The following PCDH9 variants were observed in gnomAD, a reference collection of about 807,000 sequenced individuals.
PCDH9 encodes the protein protocadherin-9.
PCDH9 carries 24 observed loss-of-function variants against 70.6 expected under a neutral mutation model. That is an observed-to-expected ratio of 0.34 (90% CI 0.25 to 0.48). The LOEUF is 0.48. Ranked by LOEUF, PCDH9 falls within the 20% of genes least tolerant of loss-of-function variation. PCDH9 has a pLI of 0.99. For synonymous variants in PCDH9, 562 were observed against 558.5 expected, an observed-to-expected ratio of 1.01 and a Z score of -0.09; for missense variants, 1,281 against 1,503.6, an observed-to-expected ratio of 0.85 and a Z score of 2.45.
At chr13:67,165,702 G>A (rs2088094454) in intron 2 of PCDH9, among the ~76,000 whole-genome samples, 1 of 152,004 alleles carries the variant, frequency 6.6e-6, no homozygotes, top group African/African-American at 2.4e-5. Flanking sequence ...TGGAACCTAA[G>A]TCAATTTTAA....
chr13:66,588,218 C>A (rs117916380), intron 4 of PCDH9, among the ~76,000 whole-genome samples: 3,311 of 151,438 alleles, frequency 0.022, 58 homozygotes, highest in Non-Finnish European at 0.034. Context: ...GGAGATACCC[C>A]CTGATGGTGC....
chr13:67,110,872 CCT>C (rs2086646323), intron 2 of PCDH9, among the ~76,000 whole-genome samples: 1 of 152,102 alleles, frequency 6.6e-6, no homozygotes, highest in African/African-American at 2.4e-5. Context: ...ATCCTGTTAC[CCT>C]GTTTCGTGTT....
intron 2 of PCDH9, among the ~76,000 whole-genome samples, chr13:67,115,267 C>T (rs536017275): frequency 1.3e-5 from 2 of 152,238 alleles, no homozygotes; most frequent in South Asian, 4.2e-4. Flanking sequence ...TTTGGTGAAG[C>T]CTGGGTGGGG....
intron 4 of PCDH9, among the ~76,000 whole-genome samples, chr13:66,563,150 T>C (rs1048262879): frequency 3.3e-5 from 5 of 152,178 alleles, no homozygotes; most frequent in Non-Finnish European, 7.3e-5. Context: ...CTATCTTTTC[T>C]TATCCAAAAT....
At position 66,326,691 on chromosome 13, in the gene PCDH9, C is replaced by T. The variant is rs1237487089; in HGVS notation, c.3341-21663G>A. ...GCCTCAGCCCTCACACCTGGGATTACAGGTGTGAGCCACCGCTCCTAGTCG... is the reference window on the plus strand; with the variant it reads ...GCCTCAGCCCTCACACCTGGGATTATAGGTGTGAGCCACCGCTCCTAGTCG... On this transcript the variant is annotated intron_variant, in intron 4 of 4. Transcript: ENST00000377865. Among the ~76,000 whole-genome samples the T allele has an allele frequency of 2.0e-5, 3 of 152,120 alleles. No homozygotes were observed. The East Asian group carries it at 5.8e-4, about 29-fold the overall frequency.
chr13:66,883,365 A>G (rs961151775), intron 3 of PCDH9, among the ~76,000 whole-genome samples: 2 of 151,420 alleles, frequency 1.3e-5, no homozygotes, highest in Non-Finnish European at 2.9e-5. Flanking sequence ...ATCAGCACTA[A>G]TGTGTGTGTG....
chr13:67,042,926 TA>T (rs551848557), intron 2 of PCDH9, among the ~76,000 whole-genome samples: 40 of 148,842 alleles, frequency 2.7e-4, no homozygotes, highest in African/African-American at 6.6e-4. Flanking sequence ...CTTGGAGGAT[TA>T]AAAAAAAAAG....
chr13:66,429,459 A>G (rs1425346206), intron 4 of PCDH9, among the ~76,000 whole-genome samples: 1 of 147,240 alleles, frequency 6.8e-6, no homozygotes, highest in African/African-American at 2.5e-5. Context: ...TTGCACCCAC[A>G]GTGGGTAAAA....
At chr13:66,305,437 A>G (rs1477770483) in intron 4 of PCDH9, among the ~76,000 whole-genome samples, 1 of 152,032 alleles carries the variant, frequency 6.6e-6, no homozygotes, top group Non-Finnish European at 1.5e-5. Flanking sequence ...AACAATTTGT[A>G]TGTGTAATAT....
chr13:66,796,679 G>A (rs543284691), intron 3 of PCDH9, among the ~76,000 whole-genome samples: 1 of 152,058 alleles, frequency 6.6e-6, no homozygotes, highest in Non-Finnish European at 1.5e-5. Context: ...ACAAGTATCT[G>A]TTGAGCTTCT....
At chr13:66,568,523 A>AAG (rs2076684968) in intron 4 of PCDH9, among the ~76,000 whole-genome samples, 1 of 151,384 alleles carries the variant, frequency 6.6e-6, no homozygotes, top group Admixed American at 6.6e-5. Flanking sequence ...AAAAAAAAAA[A>AAG]AAAGAAAGAA....
At chr13:66,307,677 A>G (rs1354392300) in intron 4 of PCDH9, among the ~76,000 whole-genome samples, 1 of 152,024 alleles carries the variant, frequency 6.6e-6, no homozygotes, top group Admixed American at 6.6e-5. Context: ...GAGAAAAAAA[A>G]TTACTGGCTA....
intron 3 of PCDH9, among the ~76,000 whole-genome samples, chr13:66,667,959 C>A (rs1002882516): frequency 4.0e-5 from 6 of 151,874 alleles, no homozygotes; most frequent in Admixed American, 3.3e-4. Context: ...GATTTATGAC[C>A]AATAGTAAAT....
intron 2 of PCDH9, among the ~76,000 whole-genome samples, chr13:67,112,704 T>G (rs2086681460): frequency 6.8e-6 from 1 of 145,996 alleles, no homozygotes; most frequent in South Asian, 2.4e-4. Context: ...CTTTCCTCCC[T>G]TTCCGCCTTC....
chr13:66,463,986 T>A (rs1412504232), intron 4 of PCDH9, among the ~76,000 whole-genome samples: 1 of 151,640 alleles, frequency 6.6e-6, no homozygotes, highest in Non-Finnish European at 1.5e-5. Flanking sequence ...TAACTGACAT[T>A]AAAAATTTAA....
chr13:66,584,297 T>G (rs1187108392), intron 4 of PCDH9, among the ~76,000 whole-genome samples: 1 of 152,148 alleles, frequency 6.6e-6, no homozygotes, highest in African/African-American at 2.4e-5. Flanking sequence ...GTGCAATATC[T>G]CAAAGCAATC....
chr13:67,225,472 T>C lies in PCDH9; in HGVS notation c.2969A>G (p.His990Arg). The change falls in exon 2 of 5, where the codon CAC (histidine) becomes CGC (arginine). Residue 990 changes from histidine to arginine, a missense_variant. His to Arg is a conservative substitution (Grantham distance 29, BLOSUM62 0). This residue lies in a region of PCDH9 where 12 missense variants were observed against 29.9 expected (regional missense o/e 0.40). Coordinates refer to ENST00000377865, the MANE Select transcript of PCDH9 (RefSeq NM_203487.3). ...GGAACTGCACTCTGAGGCACTGAAG[T>C]GATCTGAACTAGTGGAAGAGCGTTT... ...LSKRSSTSSD[H>R]FSASECSSQG... The C allele has an allele frequency of 6.2e-7, 1 of 1,614,042 alleles. No homozygotes were observed. Among genetic ancestry groups the C allele is most frequent in the Non-Finnish European group, 8.5e-7 (1 of 1,179,908 alleles).
chr13:66,326,661 C>T (rs1055994443), intron 4 of PCDH9, among the ~76,000 whole-genome samples: 5 of 152,072 alleles, frequency 3.3e-5, no homozygotes, highest in Non-Finnish European at 5.9e-5. Flanking sequence ...TCAGGTGATC[C>T]ACCTGCCTCA....
At chr13:66,753,424 T>A (rs994958823) in intron 3 of PCDH9, among the ~76,000 whole-genome samples, 4 of 152,206 alleles carry the variant, frequency 2.6e-5, no homozygotes, top group Non-Finnish European at 5.9e-5. Context: ...ATCTAATCAC[T>A]ATATACATAT....
Sources: allele counts gnomAD v4.1 joint callset (sites outside exome capture counted in the v4.1 genomes callset), GRCh38; gene constraint gnomAD v4.1.1; regional missense constraint gnomAD v4.1.1; transcripts MANE v1.5; gene names NCBI Gene and HGNC (gene_info 2026-07-23, HGNC 2026-07-21).